Variants in KRT1 observed in about 807,000 individuals in gnomAD.
The protein encoded by KRT1 is keratin 1.
A neutral mutation model predicts 51.6 loss-of-function variants in KRT1; 28 were observed. That is an observed-to-expected ratio of 0.54 (90% CI 0.40 to 0.74). The LOEUF is 0.74. Ranked by LOEUF, KRT1 falls within the 30% of genes least tolerant of loss-of-function variation. KRT1 has a pLI of 0.00. For synonymous variants in KRT1, 301 were observed against 307.7 expected, an observed-to-expected ratio of 0.98 and a Z score of 0.23; for missense variants, 783 against 815.5, an observed-to-expected ratio of 0.96 and a Z score of 0.49.
chr12:52,676,230 G>A (rs895530707), intron 7 of KRT1, 45 bp downstream of exon 7: 5 of 1,480,098 alleles, frequency 3.4e-6, no homozygotes, highest in Admixed American at 1.7e-5. Context: ...TTGCAAGGAA[G>A]GAAGACCATG....
At position 52,676,409 on chromosome 12, in the gene KRT1, C is replaced by T; in HGVS notation, c.1341G>A (p.Leu447=). 6.2e-7 allele frequency: 1 copy of T among 1,614,204 alleles called. No homozygotes were observed. Among genetic ancestry groups the T allele is most frequent in the Non-Finnish European group, 8.5e-7 (1 of 1,180,032 alleles). Residue 447 remains leucine, a synonymous_variant, in exon 7 of 9, where the codon CTG becomes CTA. Transcript: ENST00000252244. ...CCTTGGCCTGCTGCAGGGCATCCTC[C>T]AGGTCATTCAGCTTGTTCTTGGCAT... ...LKDAKNKLND[L]EDALQQAKED... is the part of the protein sequence containing the mutation.
Position 52,679,941 on chromosome 12 carries a change from A to T in KRT1, c.408T>A (p.Gly136=). Residue 136 remains glycine, a synonymous_variant, in exon 1 of 9, where the codon GGT becomes GGA. Coordinates refer to ENST00000252244, the MANE Select transcript of KRT1 (RefSeq NM_006121.4). The stretch of plus-strand genomic sequence containing the variant: ...GACCATAACCACCCCCATATCCACC[A>T]CCCCCAAAGCCACCTCCACCAAAAC... The part of the protein sequence containing the change: ...GGGFGGGGFG[G]GGYGGGYGPV... 1 of 1,611,632 alleles carries T rather than the reference A, an allele frequency of 6.2e-7. No homozygotes were observed. The highest frequency in any genetic ancestry group is 1.1e-5 in the South Asian group (1 of 90,926).
chr12:52,677,092 T>C lies in KRT1; in HGVS notation c.1221A>G (p.Arg407=). The change falls in exon 6 of 9, where the codon AGA becomes AGG. Residue 407 remains arginine (R), a synonymous_variant. Transcript: ENST00000252244. ...TGACATTGTCGATTTCAGATCTAAG[T>C]CTCTGGATCACACGATTCAGCTCAG... ...EISELNRVIQ[R]LRSEIDNVKK... is the part of the protein sequence containing the mutation. 3.1e-6 allele frequency: 5 copies of C among 1,613,946 alleles called. No homozygotes were observed. Among genetic ancestry groups the C allele is most frequent in the Non-Finnish European group, 4.2e-6 (5 of 1,180,048 alleles).
rs555119341 is a variant in KRT1 at position 52,676,916 on chromosome 12, C to T, written c.1254+143G>A. The T allele has an allele frequency of 1.2e-4, 139 of 1,136,188 alleles. No individual in the cohort carries two copies. The African/African-American group carries it at 2.0e-3, about 16-fold the overall frequency. 70.4% of individuals were successfully genotyped at this position (1,136,188 alleles called of 1,614,324 possible). On this transcript the variant is annotated intron_variant, in intron 6 of 8. Transcript: ENST00000252244. Reference sequence around the variant, plus strand: ...CAGCATGATGGCTGCATTCTGGAAACTAGCATAGTCACAAAAGGAACCAGG... The same window carrying T: ...CAGCATGATGGCTGCATTCTGGAAATTAGCATAGTCACAAAAGGAACCAGG...
chr12:52,678,529 C>G lies in KRT1; in HGVS notation c.806+13G>C, dbSNP rs772066457. On this transcript the variant is annotated intron_variant, in intron 2 of 8. Coordinates refer to ENST00000252244, the MANE Select transcript of KRT1 (RefSeq NM_006121.4). The stretch of plus-strand genomic sequence containing the variant: ...CAGCAAAAGTTAAGAACTGCCCAGA[C>G]AGGGTCCCTTACTTGTTCCGGTAAT... 1.2e-6 allele frequency: 2 copies of G among 1,613,672 alleles called. No homozygotes were observed. Among genetic ancestry groups the G allele is most frequent in the African/African-American group, 1.3e-5 (1 of 75,062 alleles).
In KRT1 at chr12:52,677,789, C is replaced by A. The variant is rs371124998; in HGVS notation, c.868-44G>T. ...TCATGAAGGCACATTCTCTCCAGGG[C>A]AGGTCCCTCTCATTACCTGTGAGGG... On this transcript the variant is annotated intron_variant, in intron 3 of 8. Coordinates refer to ENST00000252244, the MANE Select transcript of KRT1 (RefSeq NM_006121.4). 21 of 1,532,480 alleles carry A rather than the reference C, an allele frequency of 1.4e-5. No individual in the cohort carries two copies. In the African/African-American group the frequency reaches 2.3e-4, roughly 17 times the overall value. 94.9% of individuals were successfully genotyped at this position (1,532,480 alleles called of 1,614,324 possible). A position where few individuals can be genotyped will look rare whatever the true frequency, so the allele number is the denominator to read the frequency against.
Position 52,680,223 on chromosome 12 carries a change from ACCT to A in KRT1, c.123_125del (p.Gly44del). ...CACCACAGCTTGAAAATCTCCCACC[ACCT>A]CCTCCACTGCGGCGTGTGGAGCTGC... On this transcript the variant is annotated inframe_deletion, in exon 1 of 9. Transcript: ENST00000252244. The A allele has an allele frequency of 6.2e-7, 1 of 1,613,306 alleles. No homozygotes were observed. The highest frequency in any genetic ancestry group is 1.1e-5 in the South Asian group (1 of 91,016).
intron 5 of KRT1, 52 bp downstream of exon 5, chr12:52,677,264 A>T (rs1941520878): frequency 1.2e-6 from 2 of 1,614,096 alleles, no homozygotes; most frequent in African/African-American, 2.7e-5. Context: ...ATAACACAGG[A>T]TAGCAAGACA....
At position 52,680,323 on chromosome 12, in the gene KRT1, G is replaced by T. The variant is rs770778354; in HGVS notation, c.26C>A (p.Ser9Tyr). The T allele has an allele frequency of 6.2e-7, 1 of 1,614,138 alleles. No individual in the cohort carries two copies. The highest frequency in any genetic ancestry group is 1.1e-5 in the South Asian group (1 of 91,082). The change falls in exon 1 of 9, where the codon TCT (serine) becomes TAT (tyrosine). Residue 9 changes from serine (S) to tyrosine (Y), a missense_variant. Transcript: ENST00000252244. Reference protein sequence around the residue: MSRQFSSRSGYRSGGGFSS... With the variant: MSRQFSSRYGYRSGGGFSS... The stretch of plus-strand genomic sequence containing the variant: ...GAAGCCCCCTCCACTTCGGTACCCA[G>T]ACCTGGAACTAAACTGTCGACTCAT...
chr12:52,679,654 C>T, intron 1 of KRT1, 104 bp downstream of exon 1: 1 of 1,005,810 alleles, frequency 9.9e-7, no homozygotes, highest in Non-Finnish European at 1.6e-6. Flanking sequence ...TCCTTTTAAT[C>T]ATGTAAACAT....
At chr12:52,678,496 C>A in intron 2 of KRT1, 46 bp downstream of exon 2, 1 of 1,581,930 alleles carries the variant, frequency 6.3e-7, no homozygotes, top group Non-Finnish European at 8.7e-7. Context: ...CTTTCTGGAA[C>A]TCTTTTACAG....
intron 4 of KRT1, 80 bp from the exon 5 acceptor site, chr12:52,677,560 A>G: frequency 6.2e-7 from 1 of 1,604,980 alleles, no homozygotes; most frequent in Non-Finnish European, 8.5e-7. Context: ...TCAGAAAATA[A>G]AAGATAAATA....
chr12:52,675,723 C>A lies in KRT1; in HGVS notation c.1497G>T (p.Pro499=). 2 of 1,614,154 alleles carry A rather than the reference C, an allele frequency of 1.2e-6. No individual in the cohort carries two copies. Among genetic ancestry groups the A allele is most frequent in the Non-Finnish European group, 1.7e-6 (2 of 1,180,030 alleles). Residue 499 remains proline, a synonymous_variant, in exon 8 of 9, where the codon CCG becomes CCT. Transcript: ENST00000252244. ...ACTTGTACTTACACACACTCACGTT[C>A]GGGGCACATTCTCCAGACATCCTGT... is the stretch of plus-strand genomic sequence containing the variant. ...EESRMSGECA[P]NVSVSVSTSH...
At chr12:52,678,865 C>T in intron 1 of KRT1, 109 bp from the exon 2 acceptor site, 1 of 953,806 alleles carries the variant, frequency 1.0e-6, no homozygotes, top group South Asian at 1.4e-5. Flanking sequence ...CTGACCATGA[C>T]AGAGAAATAG....
In KRT1 at chr12:52,675,531, C is replaced by G; in HGVS notation, c.1597G>C (p.Gly533Arg). The change falls in exon 9 of 9, where the codon GGC becomes CGC. Residue 533 changes from glycine (G) to arginine (R), a missense_variant. Physicochemically the swap from Gly to Arg is moderately radical, Grantham distance 125. Transcript: ENST00000252244. ...GGYGSGGSSY[G>R]SGGGSYGSGG... ...GAACCATAGCTACCACCTCCGGAGC[C>G]ATAGCTGCTACCTCCAGAGCCGTAG... 1.9e-6 allele frequency: 3 copies of G among 1,607,168 alleles called. No homozygotes were observed. The highest frequency in any genetic ancestry group is 2.5e-6 in the Non-Finnish European group (3 of 1,176,982).
Position 52,680,191 on chromosome 12 carries a change from C to T in KRT1, c.158G>A (p.Gly53Asp), listed in dbSNP as rs531100926. The stretch of plus-strand genomic sequence containing the variant: ...TCCACCACCAGCACCAAAGCTACCA[C>T]CACCACCACCACAGCTTGAAAATCT... ...GGRFSSCGGGGGSFGAGGGFG... is the reference protein window; with the variant it reads ...GGRFSSCGGGDGSFGAGGGFG... Residue 53 changes from glycine (G) to aspartate (D), a missense_variant, in exon 1 of 9, where the codon GGT (glycine) becomes GAT (aspartate). Transcript: ENST00000252244. 6.2e-6 allele frequency: 10 copies of T among 1,613,548 alleles called. No individual in the cohort carries two copies. The African/African-American group carries it at 1.1e-4, about 17-fold the overall frequency.
rs1423620988 is a variant in KRT1 at position 52,675,539 on chromosome 12, C to T, written c.1589G>A (p.Ser530Asn). The change falls in exon 9 of 9, where the codon AGC (serine) becomes AAC (asparagine). Residue 530 changes from serine (S) to asparagine (N), a missense_variant. Physicochemically the swap from Ser to Asn is conservative, Grantham distance 46. Coordinates refer to ENST00000252244, the MANE Select transcript of KRT1 (RefSeq NM_006121.4). ...GCTACCACCTCCGGAGCCATAGCTGCTACCTCCAGAGCCGTAGCCACCGCC... is the reference window on the plus strand; with the variant it reads ...GCTACCACCTCCGGAGCCATAGCTGTTACCTCCAGAGCCGTAGCCACCGCC... ...GGGGGYGSGG[S>N]SYGSGGGSYG... 3 of 1,610,860 alleles carry T rather than the reference C, an allele frequency of 1.9e-6. No homozygotes were observed. Among genetic ancestry groups the T allele is most frequent in the East Asian group, 4.5e-5 (2 of 44,864 alleles).
At position 52,677,458 on chromosome 12, in the gene KRT1, T is replaced by C. The variant is rs369049651; in HGVS notation, c.986A>G (p.Gln329Arg). 1.2e-6 allele frequency: 2 copies of C among 1,614,238 alleles called. No individual in the cohort carries two copies. Among genetic ancestry groups the C allele is most frequent in the Non-Finnish European group, 1.7e-6 (2 of 1,180,044 alleles). The part of the protein sequence containing the change: ...YQAELSQMQT[Q>R]ISETNVILSM... ...GAGGATGACATTAGTTTCACTGATTTGAGTCTGCATCTGAGACAACTCCTG... is the reference window on the plus strand; with the variant it reads ...GAGGATGACATTAGTTTCACTGATTCGAGTCTGCATCTGAGACAACTCCTG... Residue 329 changes from glutamine to arginine, a missense_variant, in exon 5 of 9, where the codon CAA becomes CGA. By Grantham distance (43) the Gln-to-Arg change is conservative. Transcript: ENST00000252244.
At chr12:52,677,007 G>A (rs1361284768) in intron 6 of KRT1, 52 bp downstream of exon 6, 2 of 1,605,772 alleles carry the variant, frequency 1.2e-6, no homozygotes, top group Non-Finnish European at 8.5e-7. Context: ...CCCTTTACCT[G>A]AGGGTTACCC....
Sources: gnomAD v4.1 joint callset for allele counts on GRCh38, gnomAD v4.1.1 for gene constraint, MANE v1.5 for transcripts, NCBI Gene and HGNC (gene_info 2026-07-23, HGNC 2026-07-21) for gene names.